NR2C2: variants seen among roughly 807,000 people sequenced by gnomAD.
The protein encoded by NR2C2 is nuclear receptor subfamily 2 group C member 2.
Under a neutral mutation model 62.9 loss-of-function variants are expected in NR2C2, and 6 were observed. That is an observed-to-expected ratio of 0.10 (90% confidence interval 0.05 to 0.19). The LOEUF (loss-of-function observed/expected upper bound fraction) is 0.19. Among genes scored for constraint, NR2C2 ranks in the 10% least tolerant of loss-of-function variants. The pLI is 1.00. For synonymous variants in NR2C2, 272 were observed against 273.8 expected (o/e 0.99, Z 0.07); for missense variants, 479 against 762.7 (o/e 0.63, Z 4.38).
chr3:15,002,810 C>T (rs1207685967), intron 1 of NR2C2, among the ~76,000 whole-genome samples: 1 of 151,254 alleles, frequency 6.6e-6, no homozygotes, highest in African/African-American at 2.4e-5. Context: ...AGGCACGGGC[C>T]ACCATGCCTG....
chr3:15,042,794 A>G, intron 13 of NR2C2, 40 bp from the exon 14 acceptor site: 1 of 1,592,958 alleles, frequency 6.3e-7, no homozygotes, highest in South Asian at 1.1e-5. Flanking sequence ...GTTGAAGGGC[A>G]TCAAACAGTC....
intron 2 of NR2C2, chr3:15,004,654 G>C: frequency 2.5e-6 from 4 of 1,602,858 alleles, no homozygotes; most frequent in Non-Finnish European, 3.4e-6. Context: ...TGGGAGGAAG[G>C]GATAATATAT....
At chr3:15,013,183 G>T (rs1320331098) in intron 2 of NR2C2, among the ~76,000 whole-genome samples, 1 of 152,172 alleles carries the variant, frequency 6.6e-6, no homozygotes, top group Non-Finnish European at 1.5e-5. Context: ...TTAGAAAGAG[G>T]CTGTCTTTGA....
At chr3:14,974,532 C>G (rs1024621983) in intron 1 of NR2C2, among the ~76,000 whole-genome samples, 4 of 151,616 alleles carry the variant, frequency 2.6e-5, no homozygotes, top group African/African-American at 9.7e-5. Flanking sequence ...GGATGTTTTT[C>G]CACTTATTTA....
At chr3:15,010,229 C>T (rs1182475038) in intron 2 of NR2C2, among the ~76,000 whole-genome samples, 1 of 151,930 alleles carries the variant, frequency 6.6e-6, no homozygotes, top group Non-Finnish European at 1.5e-5. Flanking sequence ...AAGGTCTTGC[C>T]TAATGGTCAC....
chr3:14,949,790 A>G (rs1412869193), intron 1 of NR2C2, among the ~76,000 whole-genome samples: 1 of 152,156 alleles, frequency 6.6e-6, no homozygotes, highest in East Asian at 1.9e-4. Context: ...TTTTGAGACC[A>G]AGGTCTCACT....
chr3:15,035,094 C>A (rs1354110539), intron 11 of NR2C2, among the ~76,000 whole-genome samples: 1 of 152,126 alleles, frequency 6.6e-6, no homozygotes, highest in African/African-American at 2.4e-5. Context: ...GAGTTTGAGA[C>A]CAGTCTGGGC....
chr3:15,030,475 T>C (rs751050475), intron 9 of NR2C2, 23 bp downstream of exon 9: 6 of 1,549,900 alleles, frequency 3.9e-6, no homozygotes, highest in Non-Finnish European at 4.3e-6. Context: ...AGCCTAACCA[T>C]GTGCCCCCAA....
intron 11 of NR2C2, among the ~76,000 whole-genome samples, chr3:15,037,209 T>TTTTTTGTG (rs776536753): frequency 7.7e-6 from 1 of 130,240 alleles, no homozygotes; most frequent in Admixed American, 7.5e-5. Flanking sequence ...TGTTTTTTGT[T>TTTTTTGTG]TGTGTGTGTG....
chr3:15,018,722 A>G (rs571476985), intron 4 of NR2C2, among the ~76,000 whole-genome samples: 22 of 151,424 alleles, frequency 1.5e-4, no homozygotes, highest in Non-Finnish European at 2.8e-4. Flanking sequence ...TTTTTATGAG[A>G]TATATATTTT....
At chr3:14,991,762 CTTTTTCTTTTTTTT>C (rs2040678262) in intron 1 of NR2C2, among the ~76,000 whole-genome samples, 1 of 117,062 alleles carries the variant, frequency 8.5e-6, no homozygotes, top group African/African-American at 3.3e-5. Flanking sequence ...TTTTTTTTTT[CTTTTTCTTTTTTTT>C]TTTTTTGGAG....
At chr3:14,949,829 TTC>T (rs1226891860) in intron 1 of NR2C2, among the ~76,000 whole-genome samples, 2 of 152,216 alleles carry the variant, frequency 1.3e-5, no homozygotes, top group African/African-American at 4.8e-5. Flanking sequence ...TTGAATATAA[TTC>T]TCTGTGTGTG....
chr3:14,957,604 T>G (rs1362103012), intron 1 of NR2C2, among the ~76,000 whole-genome samples: 3 of 152,162 alleles, frequency 2.0e-5, no homozygotes, highest in South Asian at 2.1e-4. Context: ...TTTTTAGAGA[T>G]AAGGTCTCAC....
At chr3:14,958,950 T>C (rs1438912409) in intron 1 of NR2C2, among the ~76,000 whole-genome samples, 1 of 152,248 alleles carries the variant, frequency 6.6e-6, no homozygotes, top group Non-Finnish European at 1.5e-5. Context: ...CACTCCAGCC[T>C]GGCGACAGAG....
At chr3:15,042,653 G>GT (rs911845238) in intron 13 of NR2C2, 181 bp from the exon 14 acceptor site, 9 of 584,048 alleles carry the variant, frequency 1.5e-5, no homozygotes, top group Middle Eastern at 9.1e-4. Flanking sequence ...TACTCATTTG[G>GT]TTTTTTCTCA....
At position 15,039,147 on chromosome 3, in the gene NR2C2, C is replaced by T; in HGVS notation, c.1536C>T (p.Ser512=). The part of the protein sequence containing the change: ...SPDHPGLTST[S]QIEKFQEKAQ... Reference sequence around the variant, plus strand: ...ATCATCCAGGTTTGACCAGCACAAGCCAGATTGAAAAATTCCAAGAAAAGG... The same window carrying T: ...ATCATCCAGGTTTGACCAGCACAAGTCAGATTGAAAAATTCCAAGAAAAGG... The change falls in exon 13 of 14, where the codon AGC becomes AGT. Residue 512 remains serine, a synonymous_variant. Coordinates refer to ENST00000425241, the MANE Select transcript of NR2C2 (RefSeq NM_001291694.2). 1 of 1,613,892 alleles carries T rather than the reference C, an allele frequency of 6.2e-7. No individual in the cohort carries two copies. Among genetic ancestry groups the T allele is most frequent in the African/African-American group, 1.3e-5 (1 of 74,940 alleles).
chr3:14,966,754 TGG>T (rs1559532948), intron 1 of NR2C2, among the ~76,000 whole-genome samples: 1 of 152,156 alleles, frequency 6.6e-6, no homozygotes, highest in African/African-American at 2.4e-5. Context: ...CTACAAAAGT[TGG>T]GTGATATGAA....
intron 1 of NR2C2, among the ~76,000 whole-genome samples, chr3:15,002,315 C>T (rs1350944192): frequency 2.0e-5 from 3 of 151,906 alleles, no homozygotes; most frequent in African/African-American, 2.4e-5. Flanking sequence ...AATGCTTTTT[C>T]GCCATCAATT....
chr3:14,988,683 G>A (rs368453107), intron 1 of NR2C2, among the ~76,000 whole-genome samples: 13 of 152,292 alleles, frequency 8.5e-5, no homozygotes, highest in African/African-American at 1.4e-4. Flanking sequence ...AGTTGTTGAG[G>A]TGAAGGGACT....
Sources: allele counts gnomAD v4.1 joint callset (sites outside exome capture counted in the v4.1 genomes callset), GRCh38; gene constraint gnomAD v4.1.1; transcripts MANE v1.5; gene names NCBI Gene and HGNC (gene_info 2026-07-23, HGNC 2026-07-21).